Variants in ASCC2 observed in about 807,000 individuals in gnomAD.
ASCC2 encodes ASC-1 complex subunit P100.
A neutral mutation model predicts 93.5 loss-of-function variants in ASCC2; 42 were observed. The observed-to-expected ratio is 0.45, with a 90% confidence interval of 0.35 to 0.58. The LOEUF is 0.58. Ranked by LOEUF, ASCC2 falls within the 20% of genes least tolerant of loss-of-function variation. The pLI, the probability that ASCC2 is intolerant of heterozygous loss-of-function variation, is 0.00. For synonymous variants in ASCC2, 364 were observed against 384.2 expected, an observed-to-expected ratio of 0.95 and a Z score of 0.62; for missense variants, 859 against 977.6, an observed-to-expected ratio of 0.88 and a Z score of 1.62.
Position 29,788,932 on chromosome 22 carries a change from C to G in ASCC2, c.*81G>C. ...AGGGGTTGAGTTGAACTTGGGGCCC[C>G]TAGTGAGGAGGCCCCAGGCGATGGG... On this transcript the variant is annotated 3_prime_UTR_variant, in exon 20 of 20. Transcript: ENST00000307790. 1 of 1,578,598 alleles carries G rather than the reference C, an allele frequency of 6.3e-7. No homozygotes were observed. Among genetic ancestry groups the G allele is most frequent in the Non-Finnish European group, 8.7e-7 (1 of 1,155,054 alleles).
At chr22:29,818,207 T>C (rs1451416866) in intron 5 of ASCC2, among the ~76,000 whole-genome samples, 2 of 152,012 alleles carry the variant, frequency 1.3e-5, no homozygotes, top group African/African-American at 4.8e-5. Flanking sequence ...CTCTTACAAG[T>C]GATCACTTTG....
At chr22:29,799,524 G>A (rs2058826614) in intron 15 of ASCC2, among the ~76,000 whole-genome samples, 1 of 152,190 alleles carries the variant, frequency 6.6e-6, no homozygotes, top group South Asian at 2.1e-4. Flanking sequence ...GAAGCAGCTG[G>A]CATTTCCGCC....
At chr22:29,794,067 T>G (rs566876222) in intron 15 of ASCC2, among the ~76,000 whole-genome samples, 3 of 151,878 alleles carry the variant, frequency 2.0e-5, no homozygotes, top group Admixed American at 2.0e-4. Flanking sequence ...GTATTTTTAT[T>G]AGAGATGGAG....
In ASCC2 at chr22:29,822,471, A is replaced by G; in HGVS notation, c.412-7T>C. The stretch of plus-strand genomic sequence containing the variant: ...AAGGGGAAATGAAGTGATCCTAAGG[A>G]AAAATGCAGAGAGAAAGGATAGAGA... On this transcript the variant is annotated splice_region_variant and splice_polypyrimidine_tract_variant and intron_variant, in intron 4 of 19. Coordinates refer to ENST00000307790, the MANE Select transcript of ASCC2 (RefSeq NM_032204.5). 1.2e-6 allele frequency: 2 copies of G among 1,612,818 alleles called. No individual in the cohort carries two copies. The highest frequency in any genetic ancestry group is 1.7e-6 in the Non-Finnish European group (2 of 1,179,296).
At chr22:29,801,139 A>G in intron 14 of ASCC2, 29 bp from the exon 15 acceptor site, 1 of 1,570,530 alleles carries the variant, frequency 6.4e-7, no homozygotes, top group Non-Finnish European at 8.7e-7. Context: ...GATCAATTTA[A>G]GGGGGCCCTG....
chr22:29,827,948 GAC>G (rs5844874), intron 2 of ASCC2, among the ~76,000 whole-genome samples: 33,164 of 74,286 alleles, frequency 0.45, 10,556 homozygotes, highest in Middle Eastern at 0.56. Flanking sequence ...TCATTCTTCT[GAC>G]ACACACACAC....
intron 15 of ASCC2, 144 bp downstream of exon 15, chr22:29,800,847 G>A (rs1041368573): frequency 1.9e-5 from 18 of 952,312 alleles, no homozygotes; most frequent in Non-Finnish European, 4.3e-6. Flanking sequence ...TAACCACTGG[G>A]GGTGCACAGG....
intron 19 of ASCC2, 83 bp from the exon 20 acceptor site, chr22:29,789,267 T>A (rs902462491): frequency 1.3e-6 from 2 of 1,516,276 alleles, no homozygotes; most frequent in Middle Eastern, 1.8e-4. Context: ...GCCTTGGTGT[T>A]CACTGGGAGA....
chr22:29,792,378 A>T (rs1416100586), intron 18 of ASCC2, 55 bp downstream of exon 18: 1 of 1,604,062 alleles, frequency 6.2e-7, no homozygotes, highest in Non-Finnish European at 8.5e-7. Flanking sequence ...GGCCCTTCTG[A>T]TTCACCCCTC....
intron 2 of ASCC2, among the ~76,000 whole-genome samples, chr22:29,831,071 C>A (rs997077932): frequency 9.9e-5 from 15 of 152,138 alleles, no homozygotes; most frequent in African/African-American, 3.1e-4. Flanking sequence ...AAAAGCATTA[C>A]AATTAAATTA....
intron 18 of ASCC2, among the ~76,000 whole-genome samples, chr22:29,791,358 C>A (rs1720103863): frequency 6.6e-6 from 1 of 152,036 alleles, no homozygotes; most frequent in African/African-American, 2.4e-5. Context: ...GCCTAGGCGA[C>A]AAAGCGAGAC....
At chr22:29,792,706 G>T (rs1290126550) in intron 17 of ASCC2, among the ~76,000 whole-genome samples, 171 bp from the exon 18 acceptor site, 8 of 152,132 alleles carry the variant, frequency 5.3e-5, no homozygotes, top group African/African-American at 1.7e-4. Context: ...ATTCTCTGAG[G>T]TTACCAGAAT....
At chr22:29,812,939 T>A (rs930882330) in intron 8 of ASCC2, among the ~76,000 whole-genome samples, 7 of 151,852 alleles carry the variant, frequency 4.6e-5, no homozygotes, top group Non-Finnish European at 8.8e-5. Flanking sequence ...TGGAGTGCAG[T>A]GGCGCGATCT....
chr22:29,793,576 C>T lies in ASCC2; in HGVS notation c.1788+1G>A, dbSNP rs1329855120. ...GCAGAGACCTGGCCTTGGTGGCCTACCTCCTCCACCACCACGCTGTACTGC... is the reference window on the plus strand; with the variant it reads ...GCAGAGACCTGGCCTTGGTGGCCTATCTCCTCCACCACCACGCTGTACTGC... On this transcript the variant is annotated splice_donor_variant, in intron 16 of 19. Transcript: ENST00000307790. LOFTEE classifies it high-confidence loss of function. 6.2e-7 allele frequency: 1 copy of T among 1,612,934 alleles called. No individual in the cohort carries two copies. The highest frequency in any genetic ancestry group is 1.7e-5 in the Admixed American group (1 of 59,930).
chr22:29,808,042 A>G, intron 9 of ASCC2, 69 bp downstream of exon 9: 5 of 1,520,276 alleles, frequency 3.3e-6, no homozygotes. Flanking sequence ...GCTAATGCCC[A>G]GGGAAGGCAG....
Position 29,825,745 on chromosome 22 carries a change from T to G in ASCC2, c.117A>C (p.Leu39Phe). The stretch of plus-strand genomic sequence containing the variant: ...TGTTGTCTTTAGGGGGCGGTTTGTA[T>G]AACACAAAATACCGGTCTGCCTTCT... ...PEQKADRYFV[L>F]YKPPPKDNIP... is the part of the protein sequence containing the mutation. Residue 39 changes from leucine (L) to phenylalanine (F), a missense_variant, in exon 3 of 20, where the codon TTA (leucine) becomes TTC (phenylalanine). Transcript: ENST00000307790. The surrounding 1 kb of genome is among the most constrained non-coding windows in gnomAD (Gnocchi z 4.9). 2 of 1,613,572 alleles carry G rather than the reference T, an allele frequency of 1.2e-6. No homozygotes were observed. Among genetic ancestry groups the G allele is most frequent in the Non-Finnish European group, 1.7e-6 (2 of 1,179,520 alleles).
intron 13 of ASCC2, among the ~76,000 whole-genome samples, chr22:29,804,019 T>C (rs2059396179): frequency 6.6e-6 from 1 of 152,246 alleles, no homozygotes; most frequent in Non-Finnish European, 1.5e-5. Flanking sequence ...CCTAAGGCCA[T>C]ACAGCTGCCA....
At chr22:29,811,369 G>A (rs756498301) in intron 8 of ASCC2, among the ~76,000 whole-genome samples, 19 of 152,126 alleles carry the variant, frequency 1.2e-4, no homozygotes, top group Non-Finnish European at 2.5e-4. Flanking sequence ...GTAGAAAGGG[G>A]GACTTTCCAG....
At chr22:29,795,118 GT>G (rs2058268762) in intron 15 of ASCC2, among the ~76,000 whole-genome samples, 1 of 152,050 alleles carries the variant, frequency 6.6e-6, no homozygotes, top group African/African-American at 2.4e-5. Context: ...TAGAGATGGG[GT>G]ATCTGCCATG....
Sources: allele counts gnomAD v4.1 joint callset (sites outside exome capture counted in the v4.1 genomes callset), GRCh38; gene constraint gnomAD v4.1.1; non-coding constraint Gnocchi (gnomAD v3.1); transcripts MANE v1.5; gene names NCBI Gene and HGNC (gene_info 2026-07-23, HGNC 2026-07-21).